The following NRXN3 variants were observed in gnomAD, a reference collection of about 807,000 sequenced individuals.
NRXN3 encodes neurexin 3.
NRXN3 carries 32 observed loss-of-function variants against 137.6 expected under a neutral mutation model. The ratio of observed to expected loss-of-function variants is 0.23; its 90% CI spans 0.18 to 0.31. NRXN3 has a LOEUF of 0.31. Ranked by LOEUF, NRXN3 falls within the 10% of genes least tolerant of loss-of-function variation. The probability of loss-of-function intolerance (pLI) is 1.00; values close to 1 mark genes in which losing one functional copy is unlikely to be tolerated. For synonymous variants in NRXN3, 798 were observed against 784.5 expected, an observed-to-expected ratio of 1.02 and a Z score of -0.29; for missense variants, 1,574 against 2,062.5, an observed-to-expected ratio of 0.76 and a Z score of 4.59.
intron 4 of NRXN3, among the ~76,000 whole-genome samples, chr14:78,475,074 T>C (rs530156967): frequency 6.6e-6 from 1 of 152,290 alleles, no homozygotes; most frequent in Admixed American, 6.5e-5. Context: ...TTCATATCTA[T>C]TTAATCTCCA....
chr14:79,812,245 T>C (rs17764746), intron 20 of NRXN3, among the ~76,000 whole-genome samples: 52,437 of 152,094 alleles, frequency 0.34, 9,968 homozygotes, highest in East Asian at 0.67. Flanking sequence ...ATCTGAAAGT[T>C]TGATAAATCT....
chr14:79,249,120 G>A (rs2075606762), intron 15 of NRXN3: 1 of 152,194 alleles, frequency 6.6e-6, no homozygotes, highest in Non-Finnish European at 1.5e-5. Context: ...TAAGCACATA[G>A]TTAGATGAAC....
intron 8 of NRXN3, among the ~76,000 whole-genome samples, chr14:78,737,093 G>A (rs909396053): frequency 6.6e-6 from 1 of 152,048 alleles, no homozygotes; most frequent in Non-Finnish European, 1.5e-5. Flanking sequence ...TGTGATATTG[G>A]CTGTGTTAGT....
In NRXN3 at chr14:78,256,332, C is replaced by T. The variant is rs117709315; in HGVS notation, c.709+12530C>T. 8.0e-3 allele frequency among the ~76,000 whole-genome samples: 1,224 copies of T among 152,252 alleles called. 3 individuals are homozygous for T. The highest frequency in any genetic ancestry group is 0.017 in the Middle Eastern group (5 of 294). On this transcript the variant is annotated intron_variant, in intron 2 of 20. Transcript: ENST00000335750. ...GATGATGATACACTGGCAGGAAAGC[C>T]GAAGGAATCCGAGCCACAGAGGAAG...
chr14:78,620,786 GTTA>G (rs2097396337), intron 4 of NRXN3, among the ~76,000 whole-genome samples: 2 of 152,150 alleles, frequency 1.3e-5, no homozygotes, highest in African/African-American at 2.4e-5. Context: ...GAGAGCTACA[GTTA>G]TTATATTATT....
intron 8 of NRXN3, among the ~76,000 whole-genome samples, chr14:78,797,174 C>T (rs187357787): frequency 2.6e-5 from 4 of 152,000 alleles, no homozygotes; most frequent in East Asian, 1.9e-4. Context: ...AGCCGTCTGC[C>T]GAAAATATAC....
rs1387488676 is a variant in NRXN3 at position 78,926,956 on chromosome 14, TA to T, written c.2276-30284del. Among the ~76,000 whole-genome samples the T allele has an allele frequency of 4.0e-4, 22 of 55,016 alleles. 7 individuals carry two copies. Among genetic ancestry groups the T allele is most frequent in the African/African-American group, 2.3e-3 (21 of 9,008 alleles). 36.1% of individuals were successfully genotyped at this position (55,016 alleles called of 152,430 possible). On this transcript the variant is annotated intron_variant, in intron 10 of 20. Transcript: ENST00000335750. ...TATTTATATATATATATAATATATA[TA>T]ATATATATATAATATATAATATATT...
chr14:79,730,854 C>T (rs2154071464), intron 19 of NRXN3, among the ~76,000 whole-genome samples: 1 of 152,210 alleles, frequency 6.6e-6, no homozygotes, highest in East Asian at 1.9e-4. Flanking sequence ...TTAACCCGGT[C>T]AGTAAATTAT....
chr14:78,660,119 A>G (rs2097825056), intron 6 of NRXN3, among the ~76,000 whole-genome samples: 1 of 152,090 alleles, frequency 6.6e-6, no homozygotes, highest in Non-Finnish European at 1.5e-5. Flanking sequence ...AGTGAGGAGC[A>G]CTGAGGTCTC....
intron 6 of NRXN3, among the ~76,000 whole-genome samples, chr14:78,669,553 A>G (rs2152708569): frequency 6.6e-6 from 1 of 152,272 alleles, no homozygotes; most frequent in South Asian, 2.1e-4. Flanking sequence ...CTACCGTGCT[A>G]CACAGGTAGT....
chr14:78,666,247 TTTC>T (rs1359471970), intron 6 of NRXN3, among the ~76,000 whole-genome samples: 1 of 152,218 alleles, frequency 6.6e-6, no homozygotes, highest in East Asian at 1.9e-4. Context: ...TGCCTATTTG[TTTC>T]TTCTTCTCAG....
At chr14:79,208,303 A>G (rs1471750772) in intron 15 of NRXN3, among the ~76,000 whole-genome samples, 2 of 152,318 alleles carry the variant, frequency 1.3e-5, no homozygotes, top group Admixed American at 6.5e-5. Context: ...AAATGAGCAT[A>G]TCGAGGTAGG....
intron 4 of NRXN3, among the ~76,000 whole-genome samples, chr14:78,612,716 T>G (rs2152472717): frequency 6.6e-6 from 1 of 152,352 alleles, no homozygotes; most frequent in Middle Eastern, 3.4e-3. Context: ...TTTGCTATTC[T>G]GTATTGTTTC....
chr14:79,622,812 GGT>G (rs2098239105), intron 16 of NRXN3, among the ~76,000 whole-genome samples: 1 of 152,078 alleles, frequency 6.6e-6, no homozygotes, highest in African/African-American at 2.4e-5. Flanking sequence ...TAGCCAGGAT[GGT>G]CTCGATTTCC....
intron 16 of NRXN3, among the ~76,000 whole-genome samples, chr14:79,552,299 G>A (rs911646838): frequency 1.3e-5 from 2 of 152,090 alleles, no homozygotes; most frequent in African/African-American, 4.8e-5. Context: ...TGGTGTTTCA[G>A]GTATGATTAC....
chr14:79,178,684 A>G (rs188832045), intron 15 of NRXN3, among the ~76,000 whole-genome samples: 78 of 152,332 alleles, frequency 5.1e-4, no homozygotes, highest in Non-Finnish European at 1.5e-4. Context: ...GATAGATTAA[A>G]AATACAAGAG....
At chr14:78,744,117 T>C (rs2098595602) in intron 8 of NRXN3, among the ~76,000 whole-genome samples, 2 of 152,296 alleles carry the variant, frequency 1.3e-5, no homozygotes, top group South Asian at 4.2e-4. Flanking sequence ...AGATGGCAAG[T>C]ACCAGGCTGA....
chr14:78,936,188 A>G (rs749870418), intron 10 of NRXN3, among the ~76,000 whole-genome samples: 1 of 151,724 alleles, frequency 6.6e-6, no homozygotes, highest in Non-Finnish European at 1.5e-5. Context: ...AAACACACCC[A>G]CCTTTCCACT....
At chr14:79,537,883 G>A (rs993539420) in intron 16 of NRXN3, among the ~76,000 whole-genome samples, 6 of 152,148 alleles carry the variant, frequency 3.9e-5, no homozygotes, top group Non-Finnish European at 7.4e-5. Context: ...TTCCACAATG[G>A]TTGAACTAGT....
Sources: gnomAD v4.1 joint callset for allele counts (sites outside exome capture counted in the v4.1 genomes callset) on GRCh38, gnomAD v4.1.1 for gene constraint, MANE v1.5 for transcripts, NCBI Gene and HGNC (gene_info 2026-07-23, HGNC 2026-07-21) for gene names.